Variants in FAM227B observed in about 807,000 individuals in gnomAD.
FAM227B encodes family with sequence similarity 227 member B, also known as protein FAM227B.
Under a neutral mutation model 73.8 loss-of-function variants are expected in FAM227B, and 88 were observed. That is an observed-to-expected ratio of 1.19 (90% CI 1.00 to 1.42). The LOEUF is 1.42. Ranked by LOEUF, FAM227B falls within the 40% of genes most tolerant of loss-of-function variation. FAM227B has a pLI of 0.00. For synonymous variants in FAM227B, 210 were observed against 190.5 expected (o/e 1.10, Z -0.84); for missense variants, 632 against 590.9 (o/e 1.07, Z -0.72).
intron 11 of FAM227B, among the ~76,000 whole-genome samples, chr15:49,378,378 T>C (rs1904313): frequency 0.41 from 62,960 of 151,794 alleles, 13,200 homozygotes; most frequent in African/African-American, 0.43. Context: ...ATTGAATCTG[T>C]AGATTGCTTT....
intron 11 of FAM227B, among the ~76,000 whole-genome samples, chr15:49,490,754 A>T (rs992977790): frequency 7.9e-5 from 12 of 151,966 alleles, no homozygotes; most frequent in Admixed American, 5.9e-4. Flanking sequence ...TGTACATATC[A>T]CCTTAATGAT....
In FAM227B at chr15:49,424,839, C is replaced by T. The variant is rs370214365; in HGVS notation, c.1013-53440G>A. ...ATATATACTCCTTGTCCTGAAAATG[C>T]TCATAAGTTAAGCAAAATGTAAATA... On this transcript the variant is annotated intron_variant, in intron 11 of 15. Coordinates refer to ENST00000299338, the MANE Select transcript of FAM227B (RefSeq NM_152647.3). 9 of 269,278 alleles carry T rather than the reference C, an allele frequency of 3.3e-5. No individual in the cohort carries two copies. In the East Asian group the frequency reaches 4.4e-4, roughly 13 times the overall value. 16.7% of individuals were successfully genotyped at this position (269,278 alleles called of 1,614,324 possible). A position where few individuals can be genotyped will look rare whatever the true frequency, so the allele number is the denominator to read the frequency against.
chr15:49,372,664 T>C (rs2151483830), intron 11 of FAM227B, among the ~76,000 whole-genome samples: 1 of 152,306 alleles, frequency 6.6e-6, no homozygotes, highest in East Asian at 1.9e-4. Context: ...TAATCAGGTA[T>C]GTCAATCAGC....
chr15:49,332,596 A>ACAT (rs1255434955), intron 14 of FAM227B, among the ~76,000 whole-genome samples: 1 of 152,220 alleles, frequency 6.6e-6, no homozygotes, highest in East Asian at 1.9e-4. Flanking sequence ...AGAAGGAGAA[A>ACAT]CATTAGTAAA....
intron 9 of FAM227B, among the ~76,000 whole-genome samples, chr15:49,546,141 A>G (rs2152287662): frequency 6.6e-6 from 1 of 151,744 alleles, no homozygotes; most frequent in South Asian, 2.1e-4. Flanking sequence ...CCGGTGTGTG[A>G]TGGTCCCCTT....
intron 13 of FAM227B, among the ~76,000 whole-genome samples, chr15:49,337,508 CTTTTTTTTT>C (rs33973907): frequency 8.3e-5 from 3 of 36,080 alleles, no homozygotes; most frequent in Admixed American, 6.6e-4. Flanking sequence ...CATTTACCCA[CTTTTTTTTT>C]TTTTTTTTTT....
intron 11 of FAM227B, among the ~76,000 whole-genome samples, chr15:49,441,715 T>C (rs2051664831): frequency 6.6e-6 from 1 of 151,750 alleles, no homozygotes; most frequent in African/African-American, 2.4e-5. Context: ...TACTATTTTA[T>C]TTTATTCATA....
chr15:49,382,122 G>A (rs2046575080), intron 11 of FAM227B, among the ~76,000 whole-genome samples: 1 of 151,804 alleles, frequency 6.6e-6, no homozygotes. Flanking sequence ...TGGTGGGGAG[G>A]GGAACAGGGC....
At chr15:49,539,690 A>T (rs2070784135) in intron 10 of FAM227B, among the ~76,000 whole-genome samples, 1 of 152,172 alleles carries the variant, frequency 6.6e-6, no homozygotes, top group Non-Finnish European at 1.5e-5. Flanking sequence ...TTGCCCTAGG[A>T]TCTGGGGTCC....
intron 9 of FAM227B, among the ~76,000 whole-genome samples, chr15:49,562,245 C>G (rs572570088): frequency 1.3e-5 from 2 of 151,970 alleles, no homozygotes; most frequent in African/African-American, 4.8e-5. Context: ...GTTAGAAAAT[C>G]TAGAATAAAT....
intron 11 of FAM227B, among the ~76,000 whole-genome samples, chr15:49,441,239 C>T (rs193248377): frequency 7.0e-4 from 106 of 151,646 alleles, no homozygotes; most frequent in African/African-American, 2.6e-3. Flanking sequence ...GCCTGGGTGC[C>T]CACAACTTAG....
At chr15:49,365,772 A>G (rs953654067) in intron 13 of FAM227B, 2 of 855,186 alleles carry the variant, frequency 2.3e-6, no homozygotes, top group Non-Finnish European at 4.1e-6. Context: ...TTTGAAACAC[A>G]GCCCAAACAA....
chr15:49,490,594 T>C (rs538979069), intron 11 of FAM227B, among the ~76,000 whole-genome samples: 24 of 152,182 alleles, frequency 1.6e-4, no homozygotes, highest in South Asian at 4.1e-4. Flanking sequence ...GAATTCTTAG[T>C]TCATTTTAAA....
intron 11 of FAM227B, among the ~76,000 whole-genome samples, chr15:49,413,814 C>G (rs1318720777): frequency 1.3e-5 from 2 of 151,496 alleles, no homozygotes; most frequent in African/African-American, 2.4e-5. Flanking sequence ...TAGAACACAA[C>G]AAGCTCATTT....
intron 5 of FAM227B, among the ~76,000 whole-genome samples, chr15:49,586,744 A>G (rs578216573): frequency 3.9e-4 from 59 of 152,344 alleles, no homozygotes; most frequent in African/African-American, 1.4e-3. Flanking sequence ...TTTTCAAAAG[A>G]AAACATATAT....
intron 11 of FAM227B, among the ~76,000 whole-genome samples, chr15:49,475,301 T>C (rs1165465908): frequency 1.2e-4 from 19 of 152,102 alleles, no homozygotes; most frequent in African/African-American, 4.3e-4. Flanking sequence ...ATAAAGAGAT[T>C]AGAAGTTAGG....
At chr15:49,612,824 G>C (rs1013076846) in intron 2 of FAM227B, among the ~76,000 whole-genome samples, 1 of 151,952 alleles carries the variant, frequency 6.6e-6, no homozygotes, top group Non-Finnish European at 1.5e-5. Flanking sequence ...ATTTGAATTG[G>C]GGGATATTTC....
intron 10 of FAM227B, among the ~76,000 whole-genome samples, chr15:49,523,049 G>T (rs1039891019): frequency 3.3e-5 from 5 of 152,050 alleles, no homozygotes; most frequent in African/African-American, 7.2e-5. Context: ...TCTTCAATGT[G>T]AAAGAAAAAA....
chr15:49,550,035 ACGGGG>A (rs1269994285), intron 9 of FAM227B, among the ~76,000 whole-genome samples: 1 of 127,124 alleles, frequency 7.9e-6, no homozygotes. Context: ...TCCCTCCCGG[ACGGGG>A]CGGCTGGCCG....
Sources: allele counts gnomAD v4.1 joint callset (sites outside exome capture counted in the v4.1 genomes callset), GRCh38; gene constraint gnomAD v4.1.1; transcripts MANE v1.5; gene names NCBI Gene and HGNC (gene_info 2026-07-23, HGNC 2026-07-21).